The following MAST4 variants were observed in gnomAD, a reference collection of about 807,000 sequenced individuals.
The protein encoded by MAST4 is microtubule-associated serine/threonine-protein kinase 4.
In MAST4, 89 loss-of-function variants were observed where a neutral mutation model predicts 162.7. The observed-to-expected ratio is 0.55, with a 90% CI of 0.46 to 0.65. The LOEUF is 0.65. MAST4 is among the 30% of genes least tolerant of loss of function. The pLI is 0.00. For missense variants in MAST4, 3,153 were observed against 3,374.0 expected (o/e 0.93, Z 1.62); for synonymous variants, 1,479 against 1,361.1 (o/e 1.09, Z -1.91).
At chr5:67,112,041 A>C (rs1581600661) in intron 11 of MAST4, among the ~76,000 whole-genome samples, 1 of 149,254 alleles carries the variant, frequency 6.7e-6, no homozygotes. Context: ...CTCCACTTGC[A>C]GCAAGTTTTT....
chr5:67,085,048 A>C (rs772535727), intron 5 of MAST4, among the ~76,000 whole-genome samples: 1 of 152,160 alleles, frequency 6.6e-6, no homozygotes, highest in Non-Finnish European at 1.5e-5. Context: ...TTTTATGTGG[A>C]GCTTCCATAA....
chr5:66,924,724 G>T (rs887571635), intron 4 of MAST4, among the ~76,000 whole-genome samples: 1 of 152,086 alleles, frequency 6.6e-6, no homozygotes, highest in Non-Finnish European at 1.5e-5. Flanking sequence ...TATTTAAATT[G>T]ATCATGTAGG....
intron 4 of MAST4, among the ~76,000 whole-genome samples, chr5:66,967,565 C>A (rs186402455): frequency 4.0e-4 from 60 of 151,782 alleles, no homozygotes; most frequent in African/African-American, 1.4e-3. Context: ...CTCATCAGAC[C>A]ATCAGGAAGG....
At chr5:67,078,622 A>ATATATT (rs1341285650) in intron 5 of MAST4, among the ~76,000 whole-genome samples, 5 of 142,406 alleles carry the variant, frequency 3.5e-5, no homozygotes, top group African/African-American at 7.8e-5. Flanking sequence ...ATATATATTT[A>ATATATT]TATATTTATA....
At chr5:66,791,543 C>A (rs1755408199) in intron 3 of MAST4, among the ~76,000 whole-genome samples, 1 of 152,154 alleles carries the variant, frequency 6.6e-6, no homozygotes, top group Non-Finnish European at 1.5e-5. Flanking sequence ...TGTTTACCTG[C>A]AGGTTTTTAT....
intron 3 of MAST4, among the ~76,000 whole-genome samples, chr5:66,880,267 C>T (rs1403242260): frequency 6.6e-6 from 1 of 152,096 alleles, no homozygotes; most frequent in Non-Finnish European, 1.5e-5. Flanking sequence ...CATATTTGCT[C>T]ATATTTTGCT....
At chr5:66,778,076 C>T (rs953555728) in intron 2 of MAST4, among the ~76,000 whole-genome samples, 1 of 152,096 alleles carries the variant, frequency 6.6e-6, no homozygotes, top group African/African-American at 2.4e-5. Flanking sequence ...GCTCAGACAC[C>T]ACCACCACCC....
At chr5:66,757,880 C>A (rs1348847460) in intron 1 of MAST4, among the ~76,000 whole-genome samples, 1 of 152,166 alleles carries the variant, frequency 6.6e-6, no homozygotes, top group South Asian at 2.1e-4. Flanking sequence ...GCAAAAATAA[C>A]CTCTACATTC....
chr5:67,110,201 T>G lies in MAST4; in HGVS notation c.1458+2T>G. ...CCTGCTCGGTTATTAGAGTGCCTGGTAAGTTGCCCCTTGATGTGACTACAT... is the reference window on the plus strand; with the variant it reads ...CCTGCTCGGTTATTAGAGTGCCTGGGAAGTTGCCCCTTGATGTGACTACAT... On this transcript the variant is annotated splice_donor_variant, in intron 11 of 28. Coordinates refer to ENST00000403625, the MANE Select transcript of MAST4 (RefSeq NM_001164664.2). LOFTEE classifies it high-confidence loss of function. 6.2e-7 allele frequency: 1 copy of G among 1,605,882 alleles called. No individual in the cohort carries two copies. The highest frequency in any genetic ancestry group is 8.5e-7 in the Non-Finnish European group (1 of 1,172,544).
At chr5:66,968,272 A>G (rs895194327) in intron 4 of MAST4, among the ~76,000 whole-genome samples, 9 of 152,008 alleles carry the variant, frequency 5.9e-5, no homozygotes, top group African/African-American at 2.2e-4. Context: ...CTTGTATTTT[A>G]CTTCTTCCAT....
intron 1 of MAST4, among the ~76,000 whole-genome samples, chr5:66,609,831 T>C (rs1743175499): frequency 6.6e-6 from 1 of 151,636 alleles, no homozygotes; most frequent in Admixed American, 6.6e-5. Context: ...TATAGTACCA[T>C]ACACTTCACA....
At chr5:66,954,778 G>A (rs1311696069) in intron 4 of MAST4, among the ~76,000 whole-genome samples, 3 of 151,992 alleles carry the variant, frequency 2.0e-5, no homozygotes, top group Non-Finnish European at 1.5e-5. Flanking sequence ...ACATGTGCCT[G>A]TAGTTCCAGC....
chr5:67,155,759 C>T (rs1203807260), intron 26 of MAST4, among the ~76,000 whole-genome samples: 1 of 151,994 alleles, frequency 6.6e-6, no homozygotes, highest in Non-Finnish European at 1.5e-5. Context: ...CTGCAAGGGC[C>T]AAACAAAAAT....
At chr5:66,803,596 A>G (rs1756029879) in intron 3 of MAST4, among the ~76,000 whole-genome samples, 1 of 152,168 alleles carries the variant, frequency 6.6e-6, no homozygotes, top group Non-Finnish European at 1.5e-5. Context: ...CCTTTGTTAG[A>G]TTATTTTTAA....
chr5:66,881,920 T>G (rs974760770), intron 3 of MAST4, among the ~76,000 whole-genome samples: 7 of 152,304 alleles, frequency 4.6e-5, no homozygotes, highest in Admixed American at 1.3e-4. Context: ...CAGGCAAGTT[T>G]TATCAAGTTT....
chr5:66,659,339 A>T (rs1375013880), intron 1 of MAST4, among the ~76,000 whole-genome samples: 1 of 152,232 alleles, frequency 6.6e-6, no homozygotes, highest in Non-Finnish European at 1.5e-5. Flanking sequence ...TGGGACTTGA[A>T]CGTGGTTCAT....
At chr5:66,787,969 A>G (rs906492021) in intron 2 of MAST4, among the ~76,000 whole-genome samples, 1 of 152,196 alleles carries the variant, frequency 6.6e-6, no homozygotes, top group African/African-American at 2.4e-5. Context: ...TGTTAATATT[A>G]GTCAAGTCCA....
chr5:66,724,457 C>G lies in MAST4; in HGVS notation c.364-35252C>G, dbSNP rs1231876055. Among the ~76,000 whole-genome samples the G allele has an allele frequency of 2.0e-5, 3 of 152,064 alleles. No individual in the cohort carries two copies. The East Asian group carries it at 5.8e-4, about 29-fold the overall frequency. On this transcript the variant is annotated intron_variant, in intron 1 of 28. Transcript: ENST00000403625. ...GATCATTCTTGCCCTAGCTTGGTAA[C>G]AGGGGAGTGTATTTATGTATTATGA...
chr5:67,109,498 AAAAATCC>A (rs1485359996), intron 10 of MAST4, among the ~76,000 whole-genome samples: 1 of 152,220 alleles, frequency 6.6e-6, no homozygotes, highest in East Asian at 1.9e-4. Context: ...AAATTTGAAA[AAAAATCC>A]AAAAGACTTG....
Sources: allele counts gnomAD v4.1 joint callset (sites outside exome capture counted in the v4.1 genomes callset), GRCh38; gene constraint gnomAD v4.1.1; transcripts MANE v1.5; gene names NCBI Gene and HGNC (gene_info 2026-07-23, HGNC 2026-07-21).